Variants in GRK4 observed in about 807,000 individuals in gnomAD.
The protein encoded by GRK4 is G protein-coupled receptor kinase 4.
A neutral mutation model predicts 77.9 loss-of-function variants in GRK4; 73 were observed. The ratio of observed to expected loss-of-function variants is 0.94; its 90% CI spans 0.78 to 1.14. The LOEUF (loss-of-function observed/expected upper bound fraction) is 1.14, where lower values mean the gene tolerates loss of function less well. Ranked by LOEUF, GRK4 falls within the 50% of genes most tolerant of loss-of-function variation. The pLI is 0.00. For missense variants in GRK4, 729 were observed against 700.2 expected (o/e 1.04, Z -0.46); for synonymous variants, 257 against 254.4 (o/e 1.01, Z -0.10).
intron 15 of GRK4, 185 bp downstream of exon 15, chr4:3,038,698 G>A: frequency 1.7e-6 from 1 of 581,638 alleles, no homozygotes; most frequent in Non-Finnish European, 3.0e-6. Flanking sequence ...CCCTCGCAGT[G>A]AGGTTTGTTG....
At chr4:3,032,721 A>C (rs1219571162) in intron 12 of GRK4, among the ~76,000 whole-genome samples, 1 of 152,226 alleles carries the variant, frequency 6.6e-6, no homozygotes, top group Non-Finnish European at 1.5e-5. Context: ...AGTAGCTCTT[A>C]CTTTATAGGA....
intron 4 of GRK4, among the ~76,000 whole-genome samples, chr4:3,002,573 G>A (rs1210871135): frequency 2.0e-5 from 3 of 151,974 alleles, no homozygotes; most frequent in East Asian, 3.9e-4. Flanking sequence ...GCGTGGTGGC[G>A]GGCACCTGTA....
intron 6 of GRK4, among the ~76,000 whole-genome samples, chr4:3,008,629 C>T (rs909769866): frequency 2.6e-5 from 4 of 151,984 alleles, no homozygotes; most frequent in Admixed American, 2.0e-4. Flanking sequence ...ATGGTGAAAC[C>T]CGTCTCTACT....
rs370350413 is a variant in GRK4 at position 3,034,818 on chromosome 4, T to G, written c.1270-568T>G. 1.6e-4 allele frequency among the ~76,000 whole-genome samples: 25 copies of G among 152,284 alleles called. No homozygotes were observed. In the East Asian group the frequency reaches 4.8e-3, roughly 29 times the overall value. On this transcript the variant is annotated intron_variant, in intron 12 of 15. Coordinates refer to ENST00000398052, the MANE Select transcript of GRK4 (RefSeq NM_182982.3). ...AAAATCCCCACATTTTTATGATTAATTTTTTTAACTTAAGGAATAACATAG... is the reference window on the plus strand; with the variant it reads ...AAAATCCCCACATTTTTATGATTAAGTTTTTTAACTTAAGGAATAACATAG...
At chr4:2,996,364 G>A (rs1304651073) in intron 4 of GRK4, among the ~76,000 whole-genome samples, 2 of 152,086 alleles carry the variant, frequency 1.3e-5, no homozygotes, top group African/African-American at 4.8e-5. Context: ...AGACCATCCT[G>A]GCCAAGATGG....
intron 15 of GRK4, 121 bp from the exon 16 acceptor site, chr4:3,040,451 T>A (rs1273957702): frequency 7.4e-6 from 5 of 673,382 alleles, no homozygotes; most frequent in Non-Finnish European, 1.2e-5. Flanking sequence ...AAAAAATAAA[T>A]AAATAAATAA....
intron 5 of GRK4, among the ~76,000 whole-genome samples, chr4:3,006,740 T>G (rs1286462650): frequency 6.6e-6 from 1 of 151,960 alleles, no homozygotes; most frequent in Non-Finnish European, 1.5e-5. Context: ...ACCACTACCC[T>G]CCAGCCTGGG....
intron 4 of GRK4, among the ~76,000 whole-genome samples, chr4:2,995,735 A>G (rs1266035282): frequency 1.3e-5 from 2 of 152,106 alleles, no homozygotes; most frequent in East Asian, 1.9e-4. Context: ...ACACACTTCC[A>G]AGTTGCCTTG....
rs930279433 is a variant in GRK4, at chr4:3,019,700, G to C, written c.801G>C (p.Met267Ile). 1.9e-6 allele frequency: 3 copies of C among 1,614,092 alleles called. No homozygotes were observed. Among genetic ancestry groups the C allele is most frequent in the Admixed American group, 1.7e-5 (1 of 60,004 alleles). ...CCTTGTGCTTGGTGCTCACCATTAT[G>C]AATGGAGGGGATTTGAAGTTTCACA... ...KDALCLVLTIMNGGDLKFHIY... is the reference protein window; with the variant it reads ...KDALCLVLTIINGGDLKFHIY... Residue 267 changes from methionine to isoleucine, a missense_variant, in exon 9 of 16, where the codon ATG becomes ATC. Transcript: ENST00000398052.
At chr4:2,968,820 C>T (rs1434954792) in intron 1 of GRK4, among the ~76,000 whole-genome samples, 1 of 152,152 alleles carries the variant, frequency 6.6e-6, no homozygotes, top group African/African-American at 2.4e-5. Flanking sequence ...TCTCCACGGT[C>T]ACTCCTGTGA....
At chr4:3,021,821 G>T (rs984232289) in intron 9 of GRK4, among the ~76,000 whole-genome samples, 2 of 152,164 alleles carry the variant, frequency 1.3e-5, no homozygotes, top group Non-Finnish European at 1.5e-5. Context: ...TCTCATGTGA[G>T]CTTTGGCTCA....
chr4:3,038,229 A>G, intron 14 of GRK4, 147 bp from the exon 15 acceptor site: 1 of 811,560 alleles, frequency 1.2e-6, no homozygotes, highest in Non-Finnish European at 2.0e-6. Context: ...GCAGGGAAGG[A>G]GGAACCCAGA....
intron 10 of GRK4, among the ~76,000 whole-genome samples, chr4:3,026,161 C>T (rs75546803): frequency 0.012 from 1,893 of 152,224 alleles, 34 homozygotes; most frequent in African/African-American, 0.043. Context: ...TGAATTCATA[C>T]GCAATTTGTC....
intron 4 of GRK4, among the ~76,000 whole-genome samples, chr4:2,995,915 T>G (rs34036158): frequency 6.6e-6 from 1 of 152,198 alleles, no homozygotes; most frequent in East Asian, 1.9e-4. Flanking sequence ...ATATAAGTTA[T>G]GGTGTCCAGT....
intron 14 of GRK4, 51 bp from the exon 15 acceptor site, chr4:3,038,325 G>A (rs1741413139): frequency 6.2e-7 from 1 of 1,609,286 alleles, no homozygotes; most frequent in African/African-American, 1.3e-5. Context: ...GACACCCACT[G>A]ACCTGGCAGT....
chr4:3,001,245 A>G (rs1729642789), intron 4 of GRK4, among the ~76,000 whole-genome samples: 1 of 126,244 alleles, frequency 7.9e-6, no homozygotes, highest in South Asian at 2.3e-4. Flanking sequence ...GTGTATATAT[A>G]TACATATATG....
chr4:3,021,123 T>TGCA (rs1045258873), intron 9 of GRK4, among the ~76,000 whole-genome samples: 3 of 152,200 alleles, frequency 2.0e-5, no homozygotes, highest in African/African-American at 7.2e-5. Flanking sequence ...GCCTTTGTGA[T>TGCA]GCAGCTCCCC....
intron 4 of GRK4, among the ~76,000 whole-genome samples, chr4:3,001,340 CACACACACACACACAT>C (rs1248859310): frequency 1.6e-5 from 2 of 123,192 alleles, no homozygotes; most frequent in Non-Finnish European, 3.3e-5. Context: ...CACACACACA[CACACACACACACACAT>C]ATATATATAT....
intron 9 of GRK4, among the ~76,000 whole-genome samples, chr4:3,021,190 G>A (rs1370927998): frequency 1.3e-5 from 2 of 152,122 alleles, no homozygotes; most frequent in African/African-American, 4.8e-5. Flanking sequence ...CTCATCATGC[G>A]AGGGTTTTAG....
Sources: allele counts gnomAD v4.1 joint callset (sites outside exome capture counted in the v4.1 genomes callset), GRCh38; gene constraint gnomAD v4.1.1; transcripts MANE v1.5; gene names NCBI Gene and HGNC (gene_info 2026-07-23, HGNC 2026-07-21).